FMN1: variants seen among roughly 807,000 people sequenced by gnomAD.
FMN1 encodes the protein formin 1, also known as formin-1.
A neutral mutation model predicts 132.4 loss-of-function variants in FMN1; 110 were observed. That is an observed-to-expected ratio of 0.83 (90% CI 0.71 to 0.97). The LOEUF (loss-of-function observed/expected upper bound fraction) is 0.97. Among genes scored for constraint, FMN1 ranks in the 50% least tolerant of loss-of-function variants. The pLI is 0.00. For synonymous variants in FMN1, 722 were observed against 651.7 expected (o/e 1.11, Z -1.64); for missense variants, 1,792 against 1,705.3 (o/e 1.05, Z -0.90).
intron 2 of FMN1, among the ~76,000 whole-genome samples, chr15:33,190,906 C>CA (rs1309898346): frequency 6.6e-6 from 1 of 152,176 alleles, no homozygotes; most frequent in Non-Finnish European, 1.5e-5. Context: ...CGTGGTAACT[C>CA]ACGCCTGTAA....
At chr15:32,906,621 C>T (rs1266516433) in intron 12 of FMN1, among the ~76,000 whole-genome samples, 1 of 152,114 alleles carries the variant, frequency 6.6e-6, no homozygotes, top group Non-Finnish European at 1.5e-5. Context: ...TTTGATATGC[C>T]CACTGTGCCC....
chr15:32,896,365 A>G (rs978863008), intron 15 of FMN1, among the ~76,000 whole-genome samples: 5 of 152,032 alleles, frequency 3.3e-5, no homozygotes, highest in African/African-American at 1.2e-4. Context: ...TCTAAGATTG[A>G]TTAGAATTTT....
At chr15:33,187,840 TA>T (rs1177228210) in intron 2 of FMN1, among the ~76,000 whole-genome samples, 1 of 152,200 alleles carries the variant, frequency 6.6e-6, no homozygotes, top group Non-Finnish European at 1.5e-5. Context: ...ACATGGTTTC[TA>T]AAAAATAAAG....
chr15:33,064,433 T>C (rs543800345), intron 6 of FMN1: 1 of 152,354 alleles, frequency 6.6e-6, no homozygotes, highest in South Asian at 2.1e-4. Context: ...CTAGGCAGGT[T>C]TCCAGAGAGT....
At chr15:33,042,317 T>C (rs1429644304) in intron 6 of FMN1, among the ~76,000 whole-genome samples, 1 of 152,182 alleles carries the variant, frequency 6.6e-6, no homozygotes, top group Non-Finnish European at 1.5e-5. Context: ...TTTCCTTATA[T>C]TGATCTATAA....
chr15:32,894,118 T>C lies in FMN1; in HGVS notation c.3714+4716A>G, dbSNP rs142431258. Among the ~76,000 whole-genome samples the C allele has an allele frequency of 1.3e-4, 20 of 152,332 alleles. 1 individual carries two copies. In the East Asian group the frequency reaches 3.5e-3, roughly 26 times the overall value. On this transcript the variant is annotated intron_variant, in intron 15 of 20. Coordinates refer to ENST00000616417, the MANE Select transcript of FMN1 (RefSeq NM_001277313.2). ...TCTAGTTCTTTACAGATGCCACTTA[T>C]TACACGTTTGTGAATATTAACATTA...
At chr15:33,070,252 G>A (rs373441505) in intron 5 of FMN1, among the ~76,000 whole-genome samples, 91 of 151,758 alleles carry the variant, frequency 6.0e-4, no homozygotes, top group African/African-American at 1.2e-3. Context: ...TGATCCGCCC[G>A]CCTCGGCCTC....
intron 3 of FMN1, among the ~76,000 whole-genome samples, chr15:33,167,350 C>T (rs749418559): frequency 2.6e-5 from 4 of 152,212 alleles, no homozygotes; most frequent in Admixed American, 6.5e-5. Context: ...TTCTCCTTTG[C>T]CTTCACCATG....
chr15:32,839,836 G>A (rs2058706998), intron 17 of FMN1, among the ~76,000 whole-genome samples: 1 of 151,124 alleles, frequency 6.6e-6, no homozygotes, highest in South Asian at 2.1e-4. Flanking sequence ...GTCATGAAAT[G>A]GGGAACAACA....
chr15:32,916,707 G>GATATAGTCTTATAGTC (rs2060693309), intron 10 of FMN1, among the ~76,000 whole-genome samples: 1 of 152,178 alleles, frequency 6.6e-6, no homozygotes, highest in African/African-American at 2.4e-5. Context: ...AAATGGACTA[G>GATATAGTCTTATAGTC]ATATAGTCTG....
intron 19 of FMN1, among the ~76,000 whole-genome samples, chr15:32,789,816 GTGTTTAGATA>G (rs1164470759): frequency 6.6e-6 from 1 of 152,070 alleles, no homozygotes; most frequent in Non-Finnish European, 1.5e-5. Flanking sequence ...TACCTTTTCT[GTGTTTAGATA>G]TGTTTAGATA....
rs755164703 is a variant in FMN1 at position 33,008,014 on chromosome 15, C to T, written c.2223G>A (p.Gln741=). The change falls in exon 7 of 21, where the codon CAG becomes CAA. Residue 741 remains glutamine, a splice_region_variant and synonymous_variant. Coordinates refer to ENST00000616417, the MANE Select transcript of FMN1 (RefSeq NM_001277313.2). The part of the protein sequence containing the change: ...REHKEEIENL[Q]AQFELRAFHI... Reference sequence around the variant, plus strand: ...GTTCAGTAGCATCAAAGAGGCATACCTGCAGGTTTTCAATTTCTTCTTTGT... The same window carrying T: ...GTTCAGTAGCATCAAAGAGGCATACTTGCAGGTTTTCAATTTCTTCTTTGT... The T allele has an allele frequency of 6.3e-7, 1 of 1,599,018 alleles. No individual in the cohort carries two copies. Among genetic ancestry groups the T allele is most frequent in the South Asian group, 1.1e-5 (1 of 88,044 alleles).
intron 6 of FMN1, among the ~76,000 whole-genome samples, chr15:33,019,510 G>A (rs1448146649): frequency 6.6e-6 from 1 of 152,218 alleles, no homozygotes; most frequent in African/African-American, 2.4e-5. Context: ...CGGTCGATGG[G>A]ACCGGGCGCC....
chr15:33,124,501 T>C (rs1289159644), intron 4 of FMN1, among the ~76,000 whole-genome samples: 3 of 151,748 alleles, frequency 2.0e-5, no homozygotes, highest in Non-Finnish European at 4.4e-5. Context: ...GGACTGAGCA[T>C]TGGGATTGCT....
chr15:32,775,686 AT>A (rs1567146657), intron 20 of FMN1, among the ~76,000 whole-genome samples: 1 of 152,176 alleles, frequency 6.6e-6, no homozygotes, highest in African/African-American at 2.4e-5. Flanking sequence ...GGACTTCTCC[AT>A]TTCTCATTCA....
At chr15:33,002,834 G>A (rs1385168885) in intron 7 of FMN1, among the ~76,000 whole-genome samples, 1 of 152,206 alleles carries the variant, frequency 6.6e-6, no homozygotes, top group Non-Finnish European at 1.5e-5. Context: ...TTAGAGAAGA[G>A]GGTTGCTGGT....
intron 18 of FMN1, among the ~76,000 whole-genome samples, chr15:32,799,347 G>C (rs2057400513): frequency 6.6e-6 from 1 of 152,150 alleles, no homozygotes; most frequent in Admixed American, 6.5e-5. Context: ...CGGTCAGTTC[G>C]ATAGCTCATT....
At chr15:33,134,916 C>T (rs757953617) in intron 4 of FMN1, among the ~76,000 whole-genome samples, 3 of 152,186 alleles carry the variant, frequency 2.0e-5, no homozygotes, top group African/African-American at 4.8e-5. Flanking sequence ...GCAGGAGAAT[C>T]GCTTGAACCT....
intron 4 of FMN1, among the ~76,000 whole-genome samples, chr15:33,145,853 C>T (rs1198888054): frequency 2.6e-5 from 4 of 152,068 alleles, no homozygotes; most frequent in African/African-American, 9.7e-5. Context: ...GTCACAGGAG[C>T]ACTTCTGAGT....
Sources: allele counts gnomAD v4.1 joint callset (sites outside exome capture counted in the v4.1 genomes callset), GRCh38; gene constraint gnomAD v4.1.1; transcripts MANE v1.5; gene names NCBI Gene and HGNC (gene_info 2026-07-23, HGNC 2026-07-21).